ZNF438: variants seen among roughly 807,000 people sequenced by gnomAD.
ZNF438 encodes zinc finger protein 438.
A neutral mutation model predicts 38.0 loss-of-function variants in ZNF438; 25 were observed. The ratio of observed to expected loss-of-function variants is 0.66; its 90% CI spans 0.48 to 0.92. The LOEUF (loss-of-function observed/expected upper bound fraction) is 0.92. ZNF438 is among the 40% of genes least tolerant of loss of function. The pLI, the probability that ZNF438 is intolerant of heterozygous loss-of-function variation, is 0.00. For synonymous variants in ZNF438, 372 were observed against 364.1 expected, an observed-to-expected ratio of 1.02 and a Z score of -0.25; for missense variants, 1,007 against 999.6, an observed-to-expected ratio of 1.01 and a Z score of -0.10.
chr10:30,848,273 G>C (rs1482252181), intron 5 of ZNF438, among the ~76,000 whole-genome samples: 1 of 152,210 alleles, frequency 6.6e-6, no homozygotes, highest in Middle Eastern at 3.4e-3. Context: ...GTGATTTTGG[G>C]GGAAATTACT....
At chr10:31,002,639 C>T (rs2054770181) in intron 1 of ZNF438, among the ~76,000 whole-genome samples, 1 of 152,182 alleles carries the variant, frequency 6.6e-6, no homozygotes, top group Non-Finnish European at 1.5e-5. Context: ...CCATTATCCT[C>T]CCTCTTCCAA....
chr10:30,972,112 G>C (rs2050808290), intron 1 of ZNF438, among the ~76,000 whole-genome samples: 1 of 149,646 alleles, frequency 6.7e-6, no homozygotes, highest in Non-Finnish European at 1.5e-5. Flanking sequence ...TGGGACTACA[G>C]GTGCCCACCA....
At chr10:30,986,742 T>A (rs1001673744) in intron 1 of ZNF438, among the ~76,000 whole-genome samples, 8 of 152,204 alleles carry the variant, frequency 5.3e-5, no homozygotes, top group African/African-American at 1.9e-4. Context: ...CATTTGCGCA[T>A]GACCCTTGAG....
In ZNF438 at chr10:30,972,527, C is replaced by T. The variant is rs79678427; in HGVS notation, c.-191-30876G>A. 6.3e-4 allele frequency among the ~76,000 whole-genome samples: 96 copies of T among 152,274 alleles called. 1 individual carries two copies. Among genetic ancestry groups the T allele is most frequent in the African/African-American group, 1.7e-3 (71 of 41,554 alleles). On this transcript the variant is annotated intron_variant, in intron 1 of 5. Coordinates refer to ENST00000413025, the Ensembl canonical transcript of ZNF438. ...CCAATAAAGTGTGTATGAACTATGT[C>T]ACAAAAGCTCTTATTAACTCCCTAA...
At chr10:30,845,431 C>T in exon 6 of ZNF438, 1 of 1,614,164 alleles carries the variant, frequency 6.2e-7, no homozygotes, top group South Asian at 1.1e-5. Context: ...CCCTCAATTT[C>T]CTCTCCATGA....
intron 1 of ZNF438, among the ~76,000 whole-genome samples, chr10:30,960,332 C>G (rs1839825857): frequency 6.8e-6 from 1 of 146,892 alleles, no homozygotes; most frequent in Non-Finnish European, 1.5e-5. Flanking sequence ...TGGTGTCATA[C>G]CTAACAACTC....
chr10:30,908,478 A>G (rs981075087), intron 3 of ZNF438, among the ~76,000 whole-genome samples: 38 of 152,298 alleles, frequency 2.5e-4, no homozygotes, highest in Admixed American at 8.5e-4. Flanking sequence ...GCCATTTAAT[A>G]TCATCCTAAT....
intron 1 of ZNF438, 138 bp from the exon 2 acceptor site, chr10:30,984,564 G>A (rs1405678842): frequency 6.6e-6 from 1 of 151,962 alleles, no homozygotes; most frequent in Non-Finnish European, 1.5e-5. Context: ...AACTAATGTA[G>A]AAGAAAATAA....
chr10:30,980,897 T>A (rs183096373), intron 1 of ZNF438, among the ~76,000 whole-genome samples: 1 of 152,210 alleles, frequency 6.6e-6, no homozygotes, highest in Non-Finnish European at 1.5e-5. Flanking sequence ...CCAACCATCA[T>A]AATCCTCTTC....
chr10:30,899,954 G>T (rs748975510), intron 3 of ZNF438, among the ~76,000 whole-genome samples: 14 of 152,150 alleles, frequency 9.2e-5, no homozygotes, highest in Non-Finnish European at 1.5e-4. Context: ...AAGTAGGGCA[G>T]TATAAAAAGT....
At chr10:30,933,706 C>T (rs762250985) in intron 2 of ZNF438, among the ~76,000 whole-genome samples, 88 of 152,154 alleles carry the variant, frequency 5.8e-4, no homozygotes, top group Admixed American at 8.5e-4. Context: ...GTCAAGAGGT[C>T]CAGATTTTTG....
chr10:30,886,715 AT>A (rs1449502998), intron 3 of ZNF438, among the ~76,000 whole-genome samples: 2 of 152,232 alleles, frequency 1.3e-5, no homozygotes, highest in Non-Finnish European at 2.9e-5. Context: ...TTTCTACTGA[AT>A]GCACATGGCT....
At chr10:30,945,671 C>A (rs1342576911) in intron 1 of ZNF438, among the ~76,000 whole-genome samples, 1 of 137,006 alleles carries the variant, frequency 7.3e-6, no homozygotes, top group South Asian at 2.4e-4. Flanking sequence ...TTTGTTCTTG[C>A]GACAGTTTAC....
intron 2 of ZNF438, among the ~76,000 whole-genome samples, chr10:30,933,445 A>T (rs1258554932): frequency 6.6e-6 from 1 of 152,232 alleles, no homozygotes; most frequent in African/African-American, 2.4e-5. Flanking sequence ...CTTGTTAACA[A>T]GCAATTTATG....
At chr10:30,856,822 A>G (rs1284675923) in intron 4 of ZNF438, among the ~76,000 whole-genome samples, 3 of 152,226 alleles carry the variant, frequency 2.0e-5, no homozygotes, top group African/African-American at 7.2e-5. Context: ...AGGATCTTAA[A>G]TATGGGCTGT....
intron 1 of ZNF438, among the ~76,000 whole-genome samples, chr10:31,003,125 AGC>A (rs2054816222): frequency 6.6e-6 from 1 of 152,216 alleles, no homozygotes; most frequent in Admixed American, 6.5e-5. Flanking sequence ...ACAATGAGAG[AGC>A]ACACTATTGC....
At position 31,008,264 on chromosome 10, in the gene ZNF438, ACTT is replaced by A. The variant is rs148543328; in HGVS notation, c.-192+23566_-192+23568del. Among the ~76,000 whole-genome samples, 932 of 152,214 alleles carry A rather than the reference ACTT, an allele frequency of 6.1e-3. 11 individuals are homozygous for A. The highest frequency in any genetic ancestry group is 0.021 in the African/African-American group (871 of 41,532). The stretch of plus-strand genomic sequence containing the variant: ...AAAGTATATTCCCACATATTACCTC[ACTT>A]CTTCTTTTTTAACAGCTTCATTGAG... On this transcript the variant is annotated intron_variant, in intron 1 of 5. Transcript: ENST00000413025.
At chr10:31,012,601 T>C (rs1261038512) in intron 1 of ZNF438, among the ~76,000 whole-genome samples, 1 of 152,132 alleles carries the variant, frequency 6.6e-6, no homozygotes, top group Non-Finnish European at 1.5e-5. Context: ...TAGAACAGTG[T>C]CTAGAAGATA....
intron 1 of ZNF438, among the ~76,000 whole-genome samples, chr10:31,005,045 T>C (rs1318356603): frequency 6.6e-6 from 1 of 152,100 alleles, no homozygotes; most frequent in Non-Finnish European, 1.5e-5. Flanking sequence ...TGAAAAACCA[T>C]ACAGAGGTTC....
Sources: gnomAD v4.1 joint callset for allele counts (sites outside exome capture counted in the v4.1 genomes callset) on GRCh38, gnomAD v4.1.1 for gene constraint, MANE v1.5 for transcripts, NCBI Gene and HGNC (gene_info 2026-07-23, HGNC 2026-07-21) for gene names.